LAMC1: variants seen among roughly 807,000 people sequenced by gnomAD.
LAMC1 encodes the protein laminin subunit gamma 1.
In LAMC1, 38 loss-of-function variants were observed where a neutral mutation model predicts 173.6. The ratio of observed to expected loss-of-function variants is 0.22; its 90% CI spans 0.17 to 0.29. LAMC1 has a LOEUF of 0.29. Ranked by LOEUF, LAMC1 falls within the 10% of genes least tolerant of loss-of-function variation. The probability of loss-of-function intolerance (pLI) is 1.00; values close to 1 mark genes in which losing one functional copy is unlikely to be tolerated. For synonymous variants in LAMC1, 746 were observed against 749.1 expected, an observed-to-expected ratio of 1.00 and a Z score of 0.07; for missense variants, 1,824 against 2,051.8, an observed-to-expected ratio of 0.89 and a Z score of 2.14.
chr1:183,042,655 C>G (rs193222063), intron 1 of LAMC1, among the ~76,000 whole-genome samples: 2 of 152,188 alleles, frequency 1.3e-5, no homozygotes, highest in Admixed American at 6.5e-5. Context: ...ATAGGGACCA[C>G]GCTCACTGTG....
intron 1 of LAMC1, among the ~76,000 whole-genome samples, chr1:183,056,691 C>T (rs1307604717): frequency 6.6e-6 from 1 of 152,146 alleles, no homozygotes; most frequent in Non-Finnish European, 1.5e-5. Flanking sequence ...AGCTGAGGTC[C>T]AGGGAGATAG....
At position 183,140,245 on chromosome 1, in the gene LAMC1, CAAAAAA is replaced by C. The variant is rs56152259; in HGVS notation, c.4474-144_4474-139del. Among the ~76,000 whole-genome samples the C allele has an allele frequency of 1.3e-3, 70 of 52,922 alleles. 1 individual carries two copies. The South Asian group carries it at 0.054, about 41-fold the overall frequency. 34.7% of individuals were successfully genotyped at this position (52,922 alleles called of 152,430 possible). ...ATATGAAGATATGCAGCAGCCCCAC[CAAAAAA>C]AAAAAAAAAAAAAAGCAATGAGAGG... On this transcript the variant is annotated intron_variant, in intron 26 of 27. Coordinates refer to ENST00000258341, the MANE Select transcript of LAMC1 (RefSeq NM_002293.4).
intron 1 of LAMC1, among the ~76,000 whole-genome samples, chr1:183,052,410 T>A (rs563350555): frequency 5.3e-5 from 8 of 152,248 alleles, no homozygotes; most frequent in African/African-American, 1.4e-4. Flanking sequence ...CTCGGCTCAA[T>A]GCAACCTCTG....
rs3765522 is a variant in LAMC1, at chr1:183,108,483, C to T, written c.854+77C>T. ...GGTGAATCTAGCAACTTGTTTACAACTATGTTAATACCGTTGTTAGATGTT... is the reference window on the plus strand; with the variant it reads ...GGTGAATCTAGCAACTTGTTTACAATTATGTTAATACCGTTGTTAGATGTT... On this transcript the variant is annotated intron_variant, in intron 3 of 27. Coordinates refer to ENST00000258341, the MANE Select transcript of LAMC1 (RefSeq NM_002293.4). 743,120 of 1,315,366 alleles carry T rather than the reference C, an allele frequency of 0.56. 212,427 individuals are homozygous for T. The highest frequency in any genetic ancestry group is 0.65 in the Admixed American group (31,997 of 49,330). The allele number at this position is 1,315,366 out of a possible 1,614,324, so 81.5% of individuals were successfully genotyped here.
chr1:183,026,985 A>G (rs1653704432), intron 1 of LAMC1, among the ~76,000 whole-genome samples: 1 of 152,074 alleles, frequency 6.6e-6, no homozygotes, highest in Non-Finnish European at 1.5e-5. Context: ...CCCTCTAGAA[A>G]TTTTTCATGC....
At chr1:183,024,174 G>A in intron 1 of LAMC1, 40 bp downstream of exon 1, 1 of 1,502,174 alleles carries the variant, frequency 6.7e-7, no homozygotes, top group Non-Finnish European at 8.9e-7. Flanking sequence ...CTGCTCGCCA[G>A]CAGCCCAGCT....
chr1:183,108,741 C>T (rs985323183), intron 3 of LAMC1, among the ~76,000 whole-genome samples: 3 of 152,190 alleles, frequency 2.0e-5, no homozygotes, highest in Non-Finnish European at 4.4e-5. Flanking sequence ...CCTTATCCTA[C>T]GGAGAAGTCC....
At chr1:183,034,195 T>C (rs1038590289) in intron 1 of LAMC1, among the ~76,000 whole-genome samples, 18 of 152,218 alleles carry the variant, frequency 1.2e-4, no homozygotes, top group Admixed American at 4.6e-4. Context: ...GAAGATACTT[T>C]TTATATCCTA....
At chr1:183,031,823 T>C (rs1653856649) in intron 1 of LAMC1, among the ~76,000 whole-genome samples, 2 of 152,200 alleles carry the variant, frequency 1.3e-5, no homozygotes, top group African/African-American at 2.4e-5. Flanking sequence ...GTGCAGATCC[T>C]ATTACTTTGC....
At chr1:183,125,592 T>G (rs746189261) in intron 15 of LAMC1, 42 bp downstream of exon 15, 1 of 1,445,550 alleles carries the variant, frequency 6.9e-7, no homozygotes, top group Admixed American at 2.4e-5. Flanking sequence ...CTTTGCTTTT[T>G]CTGTTATAAA....
At chr1:183,034,259 G>A (rs1422838193) in intron 1 of LAMC1, among the ~76,000 whole-genome samples, 1 of 152,032 alleles carries the variant, frequency 6.6e-6, no homozygotes, top group Non-Finnish European at 1.5e-5. Context: ...TTGACCTGTA[G>A]GCAAAATAAT....
intron 1 of LAMC1, among the ~76,000 whole-genome samples, chr1:183,047,062 G>T (rs1164221724): frequency 6.6e-6 from 1 of 152,020 alleles, no homozygotes; most frequent in Non-Finnish European, 1.5e-5. Flanking sequence ...AATGTTTTGG[G>T]TACAGGTTTC....
At chr1:183,086,628 A>G (rs1655435948) in intron 1 of LAMC1, among the ~76,000 whole-genome samples, 1 of 152,256 alleles carries the variant, frequency 6.6e-6, no homozygotes, top group African/African-American at 2.4e-5. Flanking sequence ...CCCTATCATT[A>G]GAAAATTGTA....
chr1:183,101,356 C>CAAAG (rs750374557), intron 1 of LAMC1, among the ~76,000 whole-genome samples: 46 of 151,498 alleles, frequency 3.0e-4, no homozygotes, highest in Non-Finnish European at 5.2e-4. Flanking sequence ...TTTGACGCAA[C>CAAAG]AAAGAGATAC....
At chr1:183,028,901 T>A (rs10911199) in intron 1 of LAMC1, among the ~76,000 whole-genome samples, 75,820 of 152,110 alleles carry the variant, frequency 0.5, 19,614 homozygotes, top group South Asian at 0.64. Flanking sequence ...AGATCTAAAA[T>A]CTTGTTGGTT....
chr1:183,023,806 G>T lies in LAMC1; in HGVS notation c.90G>T (p.Ala30=). 2 of 1,527,464 alleles carry T rather than the reference G, an allele frequency of 1.3e-6. No individual in the cohort carries two copies. The highest frequency in any genetic ancestry group is 1.8e-6 in the Non-Finnish European group (2 of 1,140,416). The allele number at this position is 1,527,464 out of a possible 1,614,324, so 94.6% of individuals were successfully genotyped here. Residue 30 remains alanine (A), a synonymous_variant, in exon 1 of 28, where the codon GCG becomes GCT. Transcript: ENST00000258341. ...VLAVLAAAAA[A]GCAQAAMDEC... Reference sequence around the variant, plus strand: ...CCGTGCTGGCGGCGGCCGCCGCGGCGGGCTGTGCCCAGGCAGCCATGGACG... The same window carrying T: ...CCGTGCTGGCGGCGGCCGCCGCGGCTGGCTGTGCCCAGGCAGCCATGGACG...
chr1:183,094,849 T>G (rs2102062390), intron 1 of LAMC1, among the ~76,000 whole-genome samples: 1 of 152,180 alleles, frequency 6.6e-6, no homozygotes, highest in East Asian at 1.9e-4. Context: ...GAGGGGTTTT[T>G]TTGTTTTTCG....
chr1:183,058,801 A>T (rs967241585), intron 1 of LAMC1, among the ~76,000 whole-genome samples: 2 of 152,184 alleles, frequency 1.3e-5, no homozygotes, highest in South Asian at 4.1e-4. Flanking sequence ...AGCATGAAAG[A>T]AGGTGATTAA....
intron 18 of LAMC1, among the ~76,000 whole-genome samples, chr1:183,129,897 T>C (rs568196296): frequency 1.3e-5 from 2 of 152,362 alleles, no homozygotes; most frequent in African/African-American, 4.8e-5. Flanking sequence ...TAATTTGTCA[T>C]ACTTCAACTT....
Sources: gnomAD v4.1 joint callset for allele counts (sites outside exome capture counted in the v4.1 genomes callset) on GRCh38, gnomAD v4.1.1 for gene constraint, MANE v1.5 for transcripts, NCBI Gene and HGNC (gene_info 2026-07-23, HGNC 2026-07-21) for gene names.